The following CFAP54 variants were observed in gnomAD, a reference collection of about 807,000 sequenced individuals.
CFAP54 encodes the protein cilia and flagella associated protein 54.
Under a neutral mutation model 370.4 loss-of-function variants are expected in CFAP54, and 290 were observed. The ratio of observed to expected loss-of-function variants is 0.78; its 90% CI spans 0.71 to 0.86. CFAP54 has a LOEUF of 0.86. Ranked by LOEUF, CFAP54 falls within the 40% of genes least tolerant of loss-of-function variation. The pLI is 0.00. For missense variants in CFAP54, 3,399 were observed against 3,528.7 expected (o/e 0.96, Z 0.93); for synonymous variants, 1,206 against 1,236.5 (o/e 0.98, Z 0.52).
intron 38 of CFAP54, among the ~76,000 whole-genome samples, chr12:96,658,921 TCTCCCACTGTGC>T (rs1461183341): frequency 6.6e-6 from 1 of 152,162 alleles, no homozygotes; most frequent in Admixed American, 6.5e-5. Context: ...AAATTCAGTG[TCTCCCACTGTGC>T]CCTCACAACA....
At chr12:96,701,917 G>A (rs1420647) in intron 46 of CFAP54, among the ~76,000 whole-genome samples, 105,556 of 151,980 alleles carry the variant, frequency 0.69, 37,252 homozygotes, top group African/African-American at 0.8. Flanking sequence ...AAATATGAAA[G>A]GACACTGCTT....
In CFAP54 at chr12:96,538,488, A is replaced by C. The variant is rs1477727947; in HGVS notation, c.1896A>C (p.Ala632=). 6.5e-7 allele frequency: 1 copy of C among 1,536,156 alleles called. No homozygotes were observed. The highest frequency in any genetic ancestry group is 1.4e-5 in the African/African-American group (1 of 73,046). The part of the protein sequence containing the change: ...QRLNISRNDY[A]KFTQKISTNK... ...TCAATATATCCAGAAATGACTATGC[A>C]AAATTCACCCAGAAAATCAGTACTA... The change falls in exon 13 of 68, where the codon GCA becomes GCC. Residue 632 remains alanine, a synonymous_variant. Transcript: ENST00000524981.
At chr12:96,796,783 C>G (rs181773736) in intron 63 of CFAP54, among the ~76,000 whole-genome samples, 5 of 151,938 alleles carry the variant, frequency 3.3e-5, no homozygotes, top group East Asian at 1.9e-4. Flanking sequence ...TAATGATGTA[C>G]GCTTTTTCAT....
chr12:96,564,771 A>G lies in CFAP54; in HGVS notation c.2619+6A>G, dbSNP rs1339230318. 2 of 596,604 alleles carry G rather than the reference A, an allele frequency of 3.4e-6. No individual in the cohort carries two copies. The highest frequency in any genetic ancestry group is 2.9e-6 in the Non-Finnish European group (1 of 342,284). 37.0% of individuals were successfully genotyped at this position (596,604 alleles called of 1,614,324 possible). A position where few individuals can be genotyped will look rare whatever the true frequency, so the allele number is the denominator to read the frequency against. ...CTTCATGGGAACTTTTGATGGTAAC[A>G]GTATTTCATTTCTTCTTTTAATCCT... On this transcript the variant is annotated splice_donor_region_variant and intron_variant, in intron 19 of 67. Coordinates refer to ENST00000524981, the MANE Select transcript of CFAP54 (RefSeq NM_001306084.2).
intron 20 of CFAP54, among the ~76,000 whole-genome samples, chr12:96,578,919 A>T (rs1956006389): frequency 1.3e-5 from 2 of 152,188 alleles, no homozygotes; most frequent in Admixed American, 6.5e-5. Flanking sequence ...CCTTATGTAG[A>T]TTCTAATTAC....
rs368935063 is a variant in CFAP54, at chr12:96,693,623, T to C, written c.6265-99T>C. 3 of 739,424 alleles carry C rather than the reference T, an allele frequency of 4.1e-6. No homozygotes were observed. The South Asian group carries it at 5.4e-5, about 13-fold the overall frequency. The allele number at this position is 739,424 out of a possible 1,614,324, so 45.8% of individuals were successfully genotyped here. A position where few individuals can be genotyped will look rare whatever the true frequency, so the allele number is the denominator to read the frequency against. On this transcript the variant is annotated intron_variant, in intron 44 of 67. Transcript: ENST00000524981. ...TCCTAGCATGGAAAGCAAATCAGTA[T>C]ATAACATATCCTATATTTAATATTT... is the stretch of plus-strand genomic sequence containing the variant.
intron 51 of CFAP54, among the ~76,000 whole-genome samples, chr12:96,740,838 G>T (rs1240186118): frequency 6.6e-6 from 1 of 152,194 alleles, no homozygotes; most frequent in Non-Finnish European, 1.5e-5. Context: ...ATTTTAGGTT[G>T]TCACAACTGG....
At chr12:96,777,130 A>C (rs995954273) in intron 60 of CFAP54, among the ~76,000 whole-genome samples, 1 of 152,112 alleles carries the variant, frequency 6.6e-6, no homozygotes, top group African/African-American at 2.4e-5. Flanking sequence ...TTTCAGTAAA[A>C]ATGGCAGTCC....
At chr12:96,632,856 TG>T (rs1487248358) in intron 32 of CFAP54, among the ~76,000 whole-genome samples, 1 of 152,104 alleles carries the variant, frequency 6.6e-6, no homozygotes, top group Non-Finnish European at 1.5e-5. Context: ...TTTACACTGT[TG>T]TGTTTTTCTG....
At chr12:96,774,157 A>T (rs1958491718) in intron 60 of CFAP54, among the ~76,000 whole-genome samples, 1 of 152,170 alleles carries the variant, frequency 6.6e-6, no homozygotes, top group Non-Finnish European at 1.5e-5. Flanking sequence ...ATTAAAAAAA[A>T]ATTTGGCCTT....
intron 32 of CFAP54, among the ~76,000 whole-genome samples, chr12:96,632,163 G>A (rs770955240): frequency 4.1e-4 from 63 of 151,870 alleles, no homozygotes; most frequent in Admixed American, 8.5e-4. Flanking sequence ...GTTTGTATCC[G>A]TTGCACATTT....
intron 50 of CFAP54, among the ~76,000 whole-genome samples, chr12:96,731,306 G>A (rs1565957607): frequency 6.6e-6 from 1 of 152,294 alleles, no homozygotes; most frequent in East Asian, 1.9e-4. Flanking sequence ...CATCTTATGG[G>A]AATATTATAT....
At chr12:96,807,509 C>A (rs925181206) in intron 63 of CFAP54, among the ~76,000 whole-genome samples, 1 of 152,122 alleles carries the variant, frequency 6.6e-6, no homozygotes, top group Admixed American at 6.5e-5. Context: ...ATTCAATAGT[C>A]CTCAGTGTTT....
chr12:96,765,163 T>C lies in CFAP54; in HGVS notation c.8226T>C (p.Asn2742=). Residue 2742 remains asparagine, a synonymous_variant, in exon 60 of 68, where the codon AAT becomes AAC. Transcript: ENST00000524981. The stretch of plus-strand genomic sequence containing the variant: ...AAGTTAACCAAGTGGCATTACCAAA[T>C]ATCCCAGAATTTGCTGCTCTGGATC... ...MHKVNQVALP[N]IPEFAALDLL... is the part of the protein sequence containing the mutation. The C allele has an allele frequency of 6.5e-7, 1 of 1,542,076 alleles. No homozygotes were observed. Among genetic ancestry groups the C allele is most frequent in the Non-Finnish European group, 8.8e-7 (1 of 1,131,208 alleles).
chr12:96,700,978 A>G (rs1198707057), intron 46 of CFAP54, among the ~76,000 whole-genome samples: 2 of 152,162 alleles, frequency 1.3e-5, no homozygotes, highest in African/African-American at 4.8e-5. Context: ...ATATTTGCAT[A>G]TAATATGATC....
At chr12:96,566,180 G>A (rs142460948) in intron 19 of CFAP54, among the ~76,000 whole-genome samples, 14 of 152,312 alleles carry the variant, frequency 9.2e-5, no homozygotes, top group Non-Finnish European at 1.5e-4. Context: ...TATTAGCAGT[G>A]TGAGAACAAA....
At chr12:96,644,434 A>G in intron 33 of CFAP54, 26 bp downstream of exon 33, 1 of 1,430,598 alleles carries the variant, frequency 7.0e-7, no homozygotes, top group Non-Finnish European at 9.5e-7. Flanking sequence ...GATGAAAAAT[A>G]CTTTTTTAGT....
At chr12:96,699,774 T>C (rs1192994793) in intron 45 of CFAP54, among the ~76,000 whole-genome samples, 197 bp from the exon 46 acceptor site, 1 of 152,206 alleles carries the variant, frequency 6.6e-6, no homozygotes, top group Non-Finnish European at 1.5e-5. Context: ...TCTTGGTCCA[T>C]TGCACATGTG....
intron 67 of CFAP54, among the ~76,000 whole-genome samples, chr12:96,868,065 T>C (rs1317554271): frequency 6.6e-6 from 1 of 152,202 alleles, no homozygotes. Flanking sequence ...TCATACCTAA[T>C]GGCCTCAAGT....
Sources: gnomAD v4.1 joint callset for allele counts (sites outside exome capture counted in the v4.1 genomes callset) on GRCh38, gnomAD v4.1.1 for gene constraint, MANE v1.5 for transcripts, NCBI Gene and HGNC (gene_info 2026-07-23, HGNC 2026-07-21) for gene names.